RBPMS2: variants seen among roughly 807,000 people sequenced by gnomAD.
RBPMS2 encodes RNA-binding protein with multiple splicing 2.
In RBPMS2, 14 loss-of-function variants were observed where a neutral mutation model predicts 25.7. The observed-to-expected ratio is 0.55, with a 90% CI of 0.36 to 0.85. RBPMS2 has a LOEUF of 0.85. Ranked by LOEUF, RBPMS2 falls within the 40% of genes least tolerant of loss-of-function variation. The pLI is 0.01. For synonymous variants in RBPMS2, 127 were observed against 115.6 expected (o/e 1.10, Z -0.63); for missense variants, 252 against 283.4 (o/e 0.89, Z 0.80).
Position 64,749,312 on chromosome 15 carries a change from T to C in RBPMS2, c.267+119A>G, listed in dbSNP as rs2083652047. 4.6e-6 allele frequency: 6 copies of C among 1,305,954 alleles called. No homozygotes were observed. In the South Asian group the frequency reaches 7.2e-5, roughly 16 times the overall value. 80.9% of individuals were successfully genotyped at this position (1,305,954 alleles called of 1,614,324 possible). On this transcript the variant is annotated intron_variant, in intron 4 of 7. Transcript: ENST00000300069. ...AGCTCAGGCCTTGAGTAATGGCCTT[T>C]GGCACAGACAGTGTCGCCAAGGACT... is the stretch of plus-strand genomic sequence containing the variant.
chr15:64,762,662 C>A, intron 1 of RBPMS2: 1 of 405,774 alleles, frequency 2.5e-6, no homozygotes, highest in Non-Finnish European at 4.8e-6. Context: ...CCAGCCCTGT[C>A]ACCAGCCATA....
chr15:64,743,058 C>T (rs1022690464), intron 6 of RBPMS2, among the ~76,000 whole-genome samples: 3 of 152,202 alleles, frequency 2.0e-5, no homozygotes, highest in East Asian at 1.9e-4. Flanking sequence ...TCAGAGAAGC[C>T]GGCGGCTGGC....
At chr15:64,755,369 G>A (rs999294365) in intron 1 of RBPMS2, among the ~76,000 whole-genome samples, 5 of 152,130 alleles carry the variant, frequency 3.3e-5, no homozygotes, top group African/African-American at 1.2e-4. Flanking sequence ...TCTGTGGGGA[G>A]CAGTCCGGGA....
At chr15:64,759,405 C>T (rs562593514) in intron 1 of RBPMS2, among the ~76,000 whole-genome samples, 9 of 152,292 alleles carry the variant, frequency 5.9e-5, no homozygotes, top group African/African-American at 2.2e-4. Flanking sequence ...AGCTGACATC[C>T]AAATGTTCTT....
intron 1 of RBPMS2, among the ~76,000 whole-genome samples, chr15:64,761,935 C>G (rs113749826): frequency 2.0e-5 from 3 of 152,090 alleles, no homozygotes; most frequent in South Asian, 2.1e-4. Context: ...CTCAAAAACT[C>G]CTGACCTCAA....
chr15:64,767,109 T>C (rs549838981), intron 1 of RBPMS2, among the ~76,000 whole-genome samples: 3 of 152,194 alleles, frequency 2.0e-5, no homozygotes, highest in African/African-American at 7.2e-5. Flanking sequence ...TTTCTCTCTT[T>C]TTTTTTGAGA....
rs534646017 is a variant in RBPMS2, at chr15:64,759,135, A to C, written c.88-7497T>G. On this transcript the variant is annotated intron_variant, in intron 1 of 7. Coordinates refer to ENST00000300069, the MANE Select transcript of RBPMS2 (RefSeq NM_194272.3). Reference sequence around the variant, plus strand: ...TCCCCACCTCCCCGGGAGGCCCCTCAGTCTCACTCCCAGCTCCAGCATCGT... The same window carrying C: ...TCCCCACCTCCCCGGGAGGCCCCTCCGTCTCACTCCCAGCTCCAGCATCGT... Among the ~76,000 whole-genome samples, 158 of 152,004 alleles carry C rather than the reference A, an allele frequency of 1.0e-3. 1 individual carries two copies. The South Asian group carries it at 0.031, about 30-fold the overall frequency.
At chr15:64,772,726 C>T (rs1327244609) in intron 1 of RBPMS2, among the ~76,000 whole-genome samples, 1 of 152,134 alleles carries the variant, frequency 6.6e-6, no homozygotes, top group African/African-American at 2.4e-5. Flanking sequence ...GGAAGGCTGA[C>T]CTCTAATCTC....
chr15:64,746,704 T>C (rs1161549166), intron 6 of RBPMS2, among the ~76,000 whole-genome samples: 1 of 152,198 alleles, frequency 6.6e-6, no homozygotes, highest in Non-Finnish European at 1.5e-5. Context: ...TCTGATTCAT[T>C]TGACAAACTC....
chr15:64,775,017 G>A lies in RBPMS2; in HGVS notation c.87+216C>T, dbSNP rs1243337940. ...CGCGCGGCCCGCCTCGAGCCCGAGA[G>A]GGCGGGGAGACAATGCCTGTCCGGC... On this transcript the variant is annotated intron_variant, in intron 1 of 7. Transcript: ENST00000300069. Among the ~76,000 whole-genome samples the A allele has an allele frequency of 6.6e-5, 10 of 150,884 alleles. No homozygotes were observed. The South Asian group carries it at 1.2e-3, about 19-fold the overall frequency.
chr15:64,754,481 G>A (rs1271366827), intron 1 of RBPMS2, among the ~76,000 whole-genome samples: 2 of 151,870 alleles, frequency 1.3e-5, no homozygotes, highest in African/African-American at 4.8e-5. Context: ...GTGTGGTGGC[G>A]CATGCCTATA....
intron 5 of RBPMS2, 78 bp downstream of exon 5, chr15:64,748,922 G>A (rs1245687355): frequency 1.3e-6 from 2 of 1,520,210 alleles, no homozygotes; most frequent in African/African-American, 2.8e-5. Flanking sequence ...CTGGAAAAGG[G>A]GCTTCCCTCT....
intron 6 of RBPMS2, 80 bp from the exon 7 acceptor site, chr15:64,741,322 T>A: frequency 8.9e-7 from 1 of 1,125,260 alleles, no homozygotes. Context: ...GCCATCGGTG[T>A]CCCCGCTGGA....
intron 1 of RBPMS2, among the ~76,000 whole-genome samples, chr15:64,752,561 T>A (rs2083692856): frequency 6.6e-6 from 1 of 152,110 alleles, no homozygotes; most frequent in East Asian, 1.9e-4. Flanking sequence ...TTATGCTGAG[T>A]TTTGAAGAAC....
At chr15:64,758,095 G>T (rs1290398393) in intron 1 of RBPMS2, among the ~76,000 whole-genome samples, 1 of 152,192 alleles carries the variant, frequency 6.6e-6, no homozygotes, top group Admixed American at 6.5e-5. Flanking sequence ...TATTCCATGG[G>T]TTTATTACAA....
rs1317489661 is a variant in RBPMS2, at chr15:64,775,290, G to C, written c.30C>G (p.His10Gln). The C allele has an allele frequency of 7.4e-7, 1 of 1,353,672 alleles. No homozygotes were observed. The highest frequency in any genetic ancestry group is 3.3e-5 in the East Asian group (1 of 30,734). The allele number at this position is 1,353,672 out of a possible 1,614,324, so 83.9% of individuals were successfully genotyped here. A position where few individuals can be genotyped will look rare whatever the true frequency, so the allele number is the denominator to read the frequency against. The change falls in exon 1 of 8, where the codon CAC becomes CAG. Residue 10 changes from histidine to glutamine, a missense_variant. Transcript: ENST00000300069. ...CGGAGCCGGTGCCGGTGCTGCCGCC[G>C]TGCTCGCCGTCCGGCTTCAGGTTGC... MSNLKPDGEHGGSTGTGSGA... is the reference protein window; with the variant it reads MSNLKPDGEQGGSTGTGSGA...
At chr15:64,774,086 A>AGCCCAGCCCAGCCAGC (rs1175852150) in intron 1 of RBPMS2, among the ~76,000 whole-genome samples, 2 of 152,150 alleles carry the variant, frequency 1.3e-5, no homozygotes, top group African/African-American at 2.4e-5. Flanking sequence ...GGCGGCGCTG[A>AGCCCAGCCCAGCCAGC]GCCCAGCCCA....
intron 1 of RBPMS2, among the ~76,000 whole-genome samples, chr15:64,764,400 A>T (rs934676233): frequency 2.6e-5 from 4 of 152,096 alleles, no homozygotes; most frequent in African/African-American, 9.7e-5. Context: ...GCATGAACAC[A>T]CAGCCCCGAG....
At chr15:64,756,856 TCTC>T (rs2083735876) in intron 1 of RBPMS2, among the ~76,000 whole-genome samples, 1 of 149,084 alleles carries the variant, frequency 6.7e-6, no homozygotes, top group East Asian at 2.0e-4. Context: ...GCCAGGCTGG[TCTC>T]CTCACCTCAA....
Sources: allele counts gnomAD v4.1 joint callset (sites outside exome capture counted in the v4.1 genomes callset), GRCh38; gene constraint gnomAD v4.1.1; transcripts MANE v1.5; gene names NCBI Gene and HGNC (gene_info 2026-07-23, HGNC 2026-07-21).